AARS1: variants seen among roughly 807,000 people sequenced by gnomAD.
AARS1 encodes alanyl-tRNA synthetase 1, also known as alanine--tRNA ligase, cytoplasmic.
Under a neutral mutation model 108.9 loss-of-function variants are expected in AARS1, and 72 were observed. The observed-to-expected ratio is 0.66, with a 90% CI of 0.55 to 0.80. The LOEUF (loss-of-function observed/expected upper bound fraction) is 0.80, where lower values mean the gene tolerates loss of function less well. AARS1 is among the 30% of genes least tolerant of loss of function. The pLI, the probability that AARS1 is intolerant of heterozygous loss-of-function variation, is 0.00. For missense variants in AARS1, 1,193 were observed against 1,233.2 expected, an observed-to-expected ratio of 0.97 and a Z score of 0.49; for synonymous variants, 489 against 465.7, an observed-to-expected ratio of 1.05 and a Z score of -0.64.
At chr16:70,282,921 T>A (rs937350138) in intron 1 of AARS1, 137 bp from the exon 2 acceptor site, 2 of 826,492 alleles carry the variant, frequency 2.4e-6, no homozygotes, top group Admixed American at 4.2e-5. Flanking sequence ...CTCTATGTTG[T>A]AATGTCCAAG....
intron 12 of AARS1, among the ~76,000 whole-genome samples, chr16:70,262,016 G>T (rs940868514): frequency 6.6e-5 from 10 of 152,106 alleles, no homozygotes; most frequent in African/African-American, 2.4e-4. Context: ...GAAGCCTAGG[G>T]AGACAAAGTA....
intron 5 of AARS1, among the ~76,000 whole-genome samples, chr16:70,270,922 G>A (rs1835737786): frequency 6.6e-6 from 1 of 151,360 alleles, no homozygotes. Context: ...GCCGAGGCGG[G>A]GGAATCACTT....
intron 12 of AARS1, 124 bp from the exon 13 acceptor site, chr16:70,261,281 T>C (rs1401774429): frequency 6.1e-6 from 4 of 659,222 alleles, no homozygotes; most frequent in East Asian, 6.4e-5. Flanking sequence ...CACACACACA[T>C]ACTCCCTTAA....
intron 13 of AARS1, among the ~76,000 whole-genome samples, chr16:70,260,153 T>A (rs1960099349): frequency 6.6e-6 from 1 of 152,206 alleles, no homozygotes; most frequent in Admixed American, 6.5e-5. Flanking sequence ...ACTATAGAGC[T>A]GAGTACTCAT....
intron 13 of AARS1, among the ~76,000 whole-genome samples, chr16:70,259,865 C>T (rs954351411): frequency 4.5e-4 from 68 of 151,920 alleles, no homozygotes; most frequent in African/African-American, 1.5e-3. Context: ...CTCCATCTCC[C>T]GAGTTCAAGC....
rs1274744182 is a variant in AARS1, at chr16:70,289,473, C to T, written c.-74G>A. 3 of 431,186 alleles carry T rather than the reference C, an allele frequency of 7.0e-6. No homozygotes were observed. Among genetic ancestry groups the T allele is most frequent in the Non-Finnish European group, 1.4e-5 (3 of 213,680 alleles). The allele number at this position is 431,186 out of a possible 1,614,324, so 26.7% of individuals were successfully genotyped here. A position where few individuals can be genotyped will look rare whatever the true frequency, so the allele number is the denominator to read the frequency against. ...CTCCCTCAGAGTCCCCCGCCAAGGG[C>T]CCGCTGCACCTATTCCCGCAGACGC... is the stretch of plus-strand genomic sequence containing the variant. On this transcript the variant is annotated 5_prime_UTR_variant, in exon 1 of 21. Coordinates refer to ENST00000261772, the MANE Select transcript of AARS1 (RefSeq NM_001605.3).
intron 16 of AARS1, among the ~76,000 whole-genome samples, chr16:70,254,965 G>A (rs1011109838): frequency 6.6e-6 from 1 of 152,144 alleles, no homozygotes; most frequent in African/African-American, 2.4e-5. Flanking sequence ...GGGTGATCAA[G>A]CTCGAGAATC....
At position 70,259,167 on chromosome 16, in the gene AARS1, A is replaced by G. The variant is rs1319699374; in HGVS notation, c.1805T>C (p.Met602Thr). 9.3e-6 allele frequency: 15 copies of G among 1,614,048 alleles called. No individual in the cohort carries two copies. Among genetic ancestry groups the G allele is most frequent in the Non-Finnish European group, 1.3e-5 (15 of 1,180,044 alleles). Residue 602 changes from methionine (M) to threonine (T), a missense_variant, in exon 14 of 21, where the codon ATG becomes ACG. Transcript: ENST00000261772. Reference sequence around the variant, plus strand: ...AATGTGCGTAGCTGTGTGGTTGCTCATGATGGGTCTTCGTCGGGGCTGGAA... The same window carrying G: ...AATGTGCGTAGCTGTGTGGTTGCTCGTGATGGGTCTTCGTCGGGGCTGGAA... The part of the protein sequence containing the change: ...FIDEPRRRPI[M>T]SNHTATHILN...
At position 70,265,087 on chromosome 16, in the gene AARS1, T is replaced by C. The variant is rs1343563570; in HGVS notation, c.1363A>G (p.Lys455Glu). 6.2e-7 allele frequency: 1 copy of C among 1,614,112 alleles called. No homozygotes were observed. Among genetic ancestry groups the C allele is most frequent in the Non-Finnish European group, 8.5e-7 (1 of 1,180,022 alleles). The stretch of plus-strand genomic sequence containing the variant: ...ATGAGGTCTTCCCCACCAGCTCCCT[T>C]GCCCTGTGATTTCAGCTGTCAGCAA... ...RKLAQLKSQG[K>E]GAGGEDLIML... The change falls in exon 11 of 21, where the codon AAG (lysine) becomes GAG (glutamate). Residue 455 changes from lysine (K) to glutamate (E), a missense_variant. Transcript: ENST00000261772.
intron 1 of AARS1, among the ~76,000 whole-genome samples, chr16:70,286,317 C>T (rs921021500): frequency 1.3e-5 from 2 of 150,198 alleles, no homozygotes; most frequent in East Asian, 3.9e-4. Context: ...CTGTAAAGGT[C>T]TTGGGTGCCT....
chr16:70,270,434 G>A (rs763774119), intron 5 of AARS1, 94 bp from the exon 6 acceptor site: 14 of 1,527,016 alleles, frequency 9.2e-6, no homozygotes, highest in Non-Finnish European at 1.3e-5. Flanking sequence ...AGAACAGTTT[G>A]CAGGCTGTGA....
rs568553434 is a variant in AARS1 at position 70,272,728 on chromosome 16, G to A, written c.480-756C>T. ...AGCTCAGGAGTTCGAGACCAGCCTG[G>A]GCAACATTGCGAAACCCCGACTCTC... On this transcript the variant is annotated intron_variant, in intron 4 of 20. Coordinates refer to ENST00000261772, the MANE Select transcript of AARS1 (RefSeq NM_001605.3). Among the ~76,000 whole-genome samples, 5 of 151,460 alleles carry A rather than the reference G, an allele frequency of 3.3e-5. No individual in the cohort carries two copies. The South Asian group carries it at 8.4e-4, about 25-fold the overall frequency.
intron 2 of AARS1, among the ~76,000 whole-genome samples, chr16:70,281,968 G>A (rs1048760827): frequency 7.2e-5 from 11 of 152,000 alleles, no homozygotes; most frequent in Non-Finnish European, 5.9e-5. Flanking sequence ...TGGCTAACAC[G>A]GTGAAACCCC....
At position 70,262,366 on chromosome 16, in the gene AARS1, C is replaced by T. The variant is rs1060503691; in HGVS notation, c.1651G>A (p.Val551Met). Residue 551 changes from valine (V) to methionine (M), a missense_variant, in exon 12 of 21, where the codon GTG (valine) becomes ATG (methionine). Val to Met is a conservative substitution (Grantham distance 21). Transcript: ENST00000261772. Reference protein sequence around the residue: ...QIYDEGYLVKVDDSSEDKTEF... With the variant: ...QIYDEGYLVKMDDSSEDKTEF... ...CTCACATCTTCACTGCTGTCATCCA[C>T]CTTCACCAGGTAGCCTTCGTCATAG... 3.1e-6 allele frequency: 5 copies of T among 1,614,226 alleles called. No homozygotes were observed. The highest frequency in any genetic ancestry group is 4.2e-6 in the Non-Finnish European group (5 of 1,180,038).
At chr16:70,254,451 A>G (rs1959927729) in intron 17 of AARS1, 170 bp downstream of exon 17, 1 of 660,226 alleles carries the variant, frequency 1.5e-6, no homozygotes, top group East Asian at 2.8e-5. Context: ...TCCAGGGTCC[A>G]AGGACAGGAT....
intron 12 of AARS1, 56 bp downstream of exon 12, chr16:70,262,290 C>A: frequency 6.2e-7 from 1 of 1,610,194 alleles, no homozygotes; most frequent in Non-Finnish European, 8.5e-7. Context: ...GCAAAAGCAG[C>A]TCCCCGGCTC....
intron 15 of AARS1, among the ~76,000 whole-genome samples, chr16:70,257,386 C>T (rs988420385): frequency 3.9e-5 from 6 of 152,114 alleles, no homozygotes; most frequent in African/African-American, 1.4e-4. Context: ...CTACACTCCA[C>T]CCTGCGGGAC....
chr16:70,269,292 C>A (rs1460874386), intron 7 of AARS1, among the ~76,000 whole-genome samples: 2 of 137,760 alleles, frequency 1.5e-5, no homozygotes, highest in African/African-American at 5.7e-5. Context: ...TGCACTCTAG[C>A]CCGGGCAACA....
intron 9 of AARS1, among the ~76,000 whole-genome samples, chr16:70,265,873 GTT>G (rs1261282952): frequency 6.6e-6 from 1 of 152,208 alleles, no homozygotes; most frequent in African/African-American, 2.4e-5. Flanking sequence ...GTTTTGTTTT[GTT>G]TTGTTTTTTA....
Sources: gnomAD v4.1 joint callset for allele counts (sites outside exome capture counted in the v4.1 genomes callset) on GRCh38, gnomAD v4.1.1 for gene constraint, MANE v1.5 for transcripts, NCBI Gene and HGNC (gene_info 2026-07-23, HGNC 2026-07-21) for gene names.